KLRB1: variants seen among roughly 807,000 people sequenced by gnomAD.
KLRB1 encodes the protein killer cell lectin-like receptor subfamily B member 1.
In KLRB1, 27 loss-of-function variants were observed where a neutral mutation model predicts 33.5. The ratio of observed to expected loss-of-function variants is 0.81; its 90% CI spans 0.59 to 1.11. The LOEUF is 1.11. KLRB1 is among the 50% of genes most tolerant of loss of function. KLRB1 has a pLI of 0.00. For synonymous variants in KLRB1, 64 were observed against 88.9 expected (o/e 0.72, Z 1.58); for missense variants, 241 against 254.1 (o/e 0.95, Z 0.35).
At chr12:9,597,718 A>C (rs1259155350) in intron 5 of KLRB1, among the ~76,000 whole-genome samples, 1 of 152,168 alleles carries the variant, frequency 6.6e-6, no homozygotes, top group African/African-American at 2.4e-5. Context: ...CACAGTTTGA[A>C]AAATACAACG....
intron 1 of KLRB1, 136 bp from the exon 2 acceptor site, chr12:9,601,735 G>T: frequency 1.6e-6 from 1 of 627,172 alleles, no homozygotes; most frequent in Non-Finnish European, 2.9e-6. Context: ...CTTGGGGGAT[G>T]GGGGCAGGGA....
chr12:9,598,162 C>T lies in KLRB1; in HGVS notation c.415-1G>A. 2.5e-6 allele frequency: 4 copies of T among 1,577,262 alleles called. No homozygotes were observed. The highest frequency in any genetic ancestry group is 3.5e-6 in the Non-Finnish European group (4 of 1,148,094). ...CACGTATCAGGTTCTGTGTGTGTAT[C>T]TATAAATGGAACAGAAAAATATTGA... is the stretch of plus-strand genomic sequence containing the variant. On this transcript the variant is annotated splice_acceptor_variant, in intron 4 of 5. Coordinates refer to ENST00000229402, the MANE Select transcript of KLRB1 (RefSeq NM_002258.3). LOFTEE classifies it high-confidence loss of function.
intron 1 of KLRB1, among the ~76,000 whole-genome samples, chr12:9,607,412 T>TCTTTCTTTCTTTC (rs1565444768): frequency 1.4e-5 from 2 of 145,286 alleles, no homozygotes; most frequent in Non-Finnish European, 3.0e-5. Flanking sequence ...TTCTTTTCTT[T>TCTTTCTTTCTTTC]CTTTCTTTCT....
intron 1 of KLRB1, among the ~76,000 whole-genome samples, chr12:9,604,690 C>A (rs1372857079): frequency 6.6e-6 from 1 of 152,102 alleles, no homozygotes; most frequent in Non-Finnish European, 1.5e-5. Flanking sequence ...CTCAGGGAGG[C>A]CTTCCTTGAT....
At chr12:9,607,382 T>TCTCTCTC (rs1565444687) in intron 1 of KLRB1, among the ~76,000 whole-genome samples, 1 of 94,154 alleles carries the variant, frequency 1.1e-5, no homozygotes, top group African/African-American at 3.4e-5. Flanking sequence ...CTTTCTTTCT[T>TCTCTCTC]TCTTTCTTTC....
At chr12:9,597,087 C>T (rs760686139) in intron 5 of KLRB1, among the ~76,000 whole-genome samples, 4 of 152,184 alleles carry the variant, frequency 2.6e-5, no homozygotes, top group South Asian at 2.1e-4. Flanking sequence ...GCCAACATTT[C>T]TTTCAGTGTT....
Position 9,595,237 on chromosome 12 carries a change from G to A in KLRB1, c.*37C>T, listed in dbSNP as rs758993554. On this transcript the variant is annotated 3_prime_UTR_variant, in exon 6 of 6. Coordinates refer to ENST00000229402, the MANE Select transcript of KLRB1 (RefSeq NM_002258.3). ...TGTGCAGCTACAAGTACAGAGATCA[G>A]TAATGGGAAGCAAATAAATTGAGAT... 28 of 1,594,566 alleles carry A rather than the reference G, an allele frequency of 1.8e-5. No homozygotes were observed. Among genetic ancestry groups the A allele is most frequent in the Middle Eastern group, 1.7e-4 (1 of 5,986 alleles).
At position 9,606,758 on chromosome 12, in the gene KLRB1, A is replaced by ATTTTTTTTTTTTTTTTTTTT. The variant is rs1285915836; in HGVS notation, c.85+996_85+997insAAAAAAAAAAAAAAAAAAAA. On this transcript the variant is annotated intron_variant, in intron 1 of 5. Transcript: ENST00000229402. ...AGTATATATATATATATATATATAT[A>ATTTTTTTTTTTTTTTTTTTT]TATTTTTTTTTTTTTTTTGAGATAG... Among the ~76,000 whole-genome samples the ATTTTTTTTTTTTTTTTTTTT allele has an allele frequency of 4.6e-5, 3 of 65,904 alleles. 1 individual carries two copies. Among genetic ancestry groups the ATTTTTTTTTTTTTTTTTTTT allele is most frequent in the Non-Finnish European group, 7.6e-5 (3 of 39,348 alleles). 43.2% of individuals were successfully genotyped at this position (65,904 alleles called of 152,430 possible).
rs1296054482 is a variant in KLRB1, at chr12:9,594,555, CAAAAT to C, written c.*714_*718del. 2.0e-5 allele frequency: 3 copies of C among 152,066 alleles called. No homozygotes were observed. The highest frequency in any genetic ancestry group is 7.2e-5 in the African/African-American group (3 of 41,410). 9.4% of individuals were successfully genotyped at this position (152,066 alleles called of 1,614,324 possible). A position where few individuals can be genotyped will look rare whatever the true frequency, so the allele number is the denominator to read the frequency against. ...ACTAAACTGGCACCGGGCAGATGAA[CAAAAT>C]AAAAGTATACACATTTTATTCGTTT... On this transcript the variant is annotated 3_prime_UTR_variant, in exon 6 of 6. Coordinates refer to ENST00000229402, the MANE Select transcript of KLRB1 (RefSeq NM_002258.3).
At chr12:9,595,501 C>T in intron 5 of KLRB1, 80 bp from the exon 6 acceptor site, 1 of 1,295,610 alleles carries the variant, frequency 7.7e-7, no homozygotes, top group Non-Finnish European at 1.1e-6. Context: ...TTTCCTAGGA[C>T]TCTCAGGAAG....
intron 1 of KLRB1, among the ~76,000 whole-genome samples, chr12:9,607,370 T>TTC (rs1555097817): frequency 1.5e-4 from 13 of 86,470 alleles, no homozygotes; most frequent in African/African-American, 4.9e-4. Flanking sequence ...CTTTCTTTCT[T>TTC]TCTTTCTTTC....
chr12:9,607,754 C>A lies in KLRB1; in HGVS notation c.85+1G>T, dbSNP rs749217581. On this transcript the variant is annotated splice_donor_variant, in intron 1 of 5. Transcript: ENST00000229402. LOFTEE classifies it high-confidence loss of function. Reference sequence around the variant, plus strand: ...CCGAAAGGAAAATTAAAGCCACTTACCCCGAGGAAGAGATGAAGGTGAAGA... The same window carrying A: ...CCGAAAGGAAAATTAAAGCCACTTAACCCGAGGAAGAGATGAAGGTGAAGA... 3 of 1,604,756 alleles carry A rather than the reference C, an allele frequency of 1.9e-6. No homozygotes were observed. Among genetic ancestry groups the A allele is most frequent in the Non-Finnish European group, 2.6e-6 (3 of 1,171,686 alleles).
At chr12:9,607,280 CT>C (rs377693783) in intron 1 of KLRB1, among the ~76,000 whole-genome samples, 3 of 132,294 alleles carry the variant, frequency 2.3e-5, no homozygotes, top group African/African-American at 8.6e-5. Context: ...TCCTTTCTCT[CT>C]CTTTCTTTTT....
rs986669420 is a variant in KLRB1, at chr12:9,598,168, A to G, written c.415-7T>C. ...TCAGGTTCTGTGTGTGTATCTATAA[A>G]TGGAACAGAAAAATATTGAATCTGC... On this transcript the variant is annotated splice_polypyrimidine_tract_variant and splice_region_variant and intron_variant, in intron 4 of 5. Coordinates refer to ENST00000229402, the MANE Select transcript of KLRB1 (RefSeq NM_002258.3). 12 of 1,541,938 alleles carry G rather than the reference A, an allele frequency of 7.8e-6. No individual in the cohort carries two copies. Among genetic ancestry groups the G allele is most frequent in the Non-Finnish European group, 9.0e-6 (10 of 1,116,104 alleles).
chr12:9,607,463 T>C (rs773446285), intron 1 of KLRB1, among the ~76,000 whole-genome samples: 14 of 150,436 alleles, frequency 9.3e-5, no homozygotes, highest in Admixed American at 2.7e-4. Context: ...GGGTAACCAA[T>C]AGGCAGTGTG....
In KLRB1 at chr12:9,599,750, T is replaced by C; in HGVS notation, c.259+17A>G. ...ATATTAACAGTTATTCTTAGGAAATTGAAGCCACACAATTACCTGTTGTTT... is the reference window on the plus strand; with the variant it reads ...ATATTAACAGTTATTCTTAGGAAATCGAAGCCACACAATTACCTGTTGTTT... On this transcript the variant is annotated intron_variant, in intron 3 of 5. Transcript: ENST00000229402. The C allele has an allele frequency of 2.0e-6, 3 of 1,509,680 alleles. No homozygotes were observed. Among genetic ancestry groups the C allele is most frequent in the Admixed American group, 1.7e-5 (1 of 59,836 alleles). The allele number at this position is 1,509,680 out of a possible 1,614,324, so 93.5% of individuals were successfully genotyped here.
chr12:9,605,102 C>T (rs1370691931), intron 1 of KLRB1, among the ~76,000 whole-genome samples: 1 of 152,078 alleles, frequency 6.6e-6, no homozygotes, highest in Non-Finnish European at 1.5e-5. Context: ...GCTTTCTGTC[C>T]TTGTGATAGT....
chr12:9,607,015 A>T (rs1864613384), intron 1 of KLRB1, among the ~76,000 whole-genome samples: 1 of 151,780 alleles, frequency 6.6e-6, no homozygotes, highest in African/African-American at 2.4e-5. Flanking sequence ...AGCCTACCAA[A>T]GTGTTGGGAT....
chr12:9,601,434 A>G, intron 2 of KLRB1, 67 bp downstream of exon 2: 1 of 1,206,896 alleles, frequency 8.3e-7, no homozygotes, highest in Non-Finnish European at 1.2e-6. Flanking sequence ...ACCCCTACAG[A>G]GATGCTCTAA....
Sources: gnomAD v4.1 joint callset for allele counts (sites outside exome capture counted in the v4.1 genomes callset) on GRCh38, gnomAD v4.1.1 for gene constraint, MANE v1.5 for transcripts, NCBI Gene and HGNC (gene_info 2026-07-23, HGNC 2026-07-21) for gene names.